EXOC4: variants seen among roughly 807,000 people sequenced by gnomAD.
The protein encoded by EXOC4 is exocyst complex component 4, also known as SEC8-like 1.
A neutral mutation model predicts 107.2 loss-of-function variants in EXOC4; 71 were observed. The ratio of observed to expected loss-of-function variants is 0.66; its 90% confidence interval spans 0.55 to 0.81. The LOEUF is 0.81. EXOC4 is among the 30% of genes least tolerant of loss of function. The pLI is 0.00. For missense variants in EXOC4, 1,108 were observed against 1,189.6 expected (o/e 0.93, Z 1.01); for synonymous variants, 456 against 441.2 (o/e 1.03, Z -0.42).
At chr7:134,074,831 C>T in the EXOC4 span, among the ~76,000 whole-genome samples, 6 of 152,202 alleles carry the variant, frequency 3.9e-5, no homozygotes, top group African/African-American at 7.2e-5. Context: ...TGAAGGCTCA[C>T]GGAGCATTTC....
intron 7 of EXOC4, among the ~76,000 whole-genome samples, chr7:133,441,834 G>GT (rs1331084699): frequency 3.3e-5 from 5 of 152,160 alleles, no homozygotes; most frequent in South Asian, 2.1e-4. Flanking sequence ...TGTGTGTGGG[G>GT]GGTGTGTGTG....
intron 3 of EXOC4, among the ~76,000 whole-genome samples, chr7:133,302,401 G>A (rs1794660076): frequency 6.6e-6 from 1 of 152,084 alleles, no homozygotes; most frequent in South Asian, 2.1e-4. Flanking sequence ...TTCACTGGTA[G>A]TCATATCTGT....
At chr7:133,529,524 A>T (rs1385755746) in intron 9 of EXOC4, among the ~76,000 whole-genome samples, 1 of 152,212 alleles carries the variant, frequency 6.6e-6, no homozygotes, top group African/African-American at 2.4e-5. Flanking sequence ...ACATAAAGAT[A>T]TAAGAATTAT....
At chr7:134,014,453 A>G (rs1157044114) in intron 17 of EXOC4, among the ~76,000 whole-genome samples, 1 of 152,194 alleles carries the variant, frequency 6.6e-6, no homozygotes, top group African/African-American at 2.4e-5. Flanking sequence ...GATGAATAGA[A>G]CGTGGTACAT....
At chr7:133,831,605 G>T (rs891444847) in intron 11 of EXOC4, among the ~76,000 whole-genome samples, 2 of 151,072 alleles carry the variant, frequency 1.3e-5, no homozygotes, top group African/African-American at 2.4e-5. Flanking sequence ...GCACTACAAG[G>T]TGCTCCTGGC....
chr7:133,632,739 A>G (rs577394358), intron 10 of EXOC4, among the ~76,000 whole-genome samples: 1 of 152,258 alleles, frequency 6.6e-6, no homozygotes, highest in African/African-American at 2.4e-5. Context: ...ATATTTTCCT[A>G]TCTCCAAGTT....
At chr7:133,538,943 C>G (rs534011667) in intron 9 of EXOC4, among the ~76,000 whole-genome samples, 1 of 107,076 alleles carries the variant, frequency 9.3e-6, no homozygotes, top group East Asian at 2.9e-4. Context: ...ACACTTAGCT[C>G]TGTGAAATAG....
chr7:134,022,435 G>C (rs148098510), intron 17 of EXOC4, among the ~76,000 whole-genome samples: 219 of 152,202 alleles, frequency 1.4e-3, no homozygotes, highest in African/African-American at 4.7e-3. Context: ...AATATTTACT[G>C]TCTGTTGTAC....
At chr7:133,975,787 A>G (rs1186259397) in intron 14 of EXOC4, among the ~76,000 whole-genome samples, 1 of 152,076 alleles carries the variant, frequency 6.6e-6, no homozygotes, top group African/African-American at 2.4e-5. Flanking sequence ...CACTTTCACC[A>G]TAACCCAAGA....
intron 10 of EXOC4, among the ~76,000 whole-genome samples, chr7:133,710,520 C>T (rs926404329): frequency 2.0e-5 from 3 of 151,178 alleles, no homozygotes; most frequent in Non-Finnish European, 4.4e-5. Flanking sequence ...ATTAGCCGGG[C>T]GTAGTGGCGG....
intron 17 of EXOC4, among the ~76,000 whole-genome samples, chr7:134,033,804 A>T (rs976959396): frequency 2.0e-5 from 3 of 152,206 alleles, no homozygotes; most frequent in Non-Finnish European, 4.4e-5. Flanking sequence ...GCATAAAAAA[A>T]AGTCAGCTGG....
At chr7:133,852,510 GC>G (rs1275127073) in intron 11 of EXOC4, among the ~76,000 whole-genome samples, 5 of 152,068 alleles carry the variant, frequency 3.3e-5, no homozygotes, top group Non-Finnish European at 5.9e-5. Context: ...TATTTTTACT[GC>G]AAGGATAGCC....
chr7:133,773,772 G>A (rs909337435), intron 10 of EXOC4, among the ~76,000 whole-genome samples: 3 of 151,832 alleles, frequency 2.0e-5, no homozygotes, highest in Non-Finnish European at 4.4e-5. Flanking sequence ...GTCACCACCC[G>A]GGCTACAACC....
chr7:134,077,845 T>G, the EXOC4 span, among the ~76,000 whole-genome samples: 26 of 152,244 alleles, frequency 1.7e-4, no homozygotes, highest in Non-Finnish European at 2.5e-4. Context: ...CCTCATGACC[T>G]TCATTGTACT....
chr7:133,743,071 G>T (rs1347990678), intron 10 of EXOC4, among the ~76,000 whole-genome samples: 1 of 152,092 alleles, frequency 6.6e-6, no homozygotes, highest in East Asian at 1.9e-4. Context: ...ACAGAATATT[G>T]GGTCTCATAA....
chr7:133,756,393 C>G (rs1420103518), intron 10 of EXOC4, among the ~76,000 whole-genome samples: 1 of 152,154 alleles, frequency 6.6e-6, no homozygotes, highest in Non-Finnish European at 1.5e-5. Context: ...TCTGATCTTT[C>G]ATTATCTCAC....
intron 7 of EXOC4, among the ~76,000 whole-genome samples, chr7:133,454,914 C>T (rs1020551536): frequency 3.3e-5 from 5 of 152,008 alleles, no homozygotes; most frequent in East Asian, 3.9e-4. Flanking sequence ...GCCTGAGCAA[C>T]GTGGTGAAAA....
At chr7:133,892,847 T>A (rs201882079) in intron 11 of EXOC4, among the ~76,000 whole-genome samples, 82,766 of 138,362 alleles carry the variant, frequency 0.6, 27,123 homozygotes, top group African/African-American at 0.88. Context: ...TACTTCCAAC[T>A]ATGTGGTCAA....
intron 14 of EXOC4, among the ~76,000 whole-genome samples, chr7:133,977,233 G>C (rs1263090602): frequency 6.6e-6 from 1 of 152,170 alleles, no homozygotes; most frequent in Non-Finnish European, 1.5e-5. Flanking sequence ...GAAAATAGTA[G>C]AGAAACCCAT....
Sources: gnomAD v4.1 joint callset for allele counts (sites outside exome capture counted in the v4.1 genomes callset) on GRCh38, gnomAD v4.1.1 for gene constraint, MANE v1.5 for transcripts, NCBI Gene and HGNC (gene_info 2026-07-23, HGNC 2026-07-21) for gene names.